The following MANBA variants were observed in gnomAD, a reference collection of about 807,000 sequenced individuals.
MANBA encodes the protein mannosidase beta, also known as beta-mannosidase.
A neutral mutation model predicts 111.1 loss-of-function variants in MANBA; 83 were observed. The observed-to-expected ratio is 0.75, with a 90% CI of 0.63 to 0.90. MANBA has a LOEUF of 0.90. MANBA is among the 40% of genes least tolerant of loss of function. The pLI is 0.00. For synonymous variants in MANBA, 370 were observed against 378.7 expected (o/e 0.98, Z 0.27); for missense variants, 1,036 against 1,069.0 (o/e 0.97, Z 0.43).
At position 102,722,890 on chromosome 4, in the gene MANBA, T is replaced by C. The variant is rs750914797; in HGVS notation, c.530A>G (p.His177Arg). 1.3e-4 allele frequency: 210 copies of C among 1,614,054 alleles called. No homozygotes were observed. In the East Asian group the frequency reaches 4.4e-3, roughly 34 times the overall value. ...CATTACCTTCCGAACAAAGTTGACA[T>C]GGCATTCACCCTTCTGCACAAGTGG... Reference protein sequence around the residue: ...CPPLVQKGECHVNFVRKEQCS... With the variant: ...CPPLVQKGECRVNFVRKEQCS... The change falls in exon 4 of 17, where the codon CAT becomes CGT. Residue 177 changes from histidine to arginine, a missense_variant. By Grantham distance (29) the His-to-Arg change is conservative. Transcript: ENST00000647097.
In MANBA at chr4:102,729,617, C is replaced by T. The variant is rs1209683197; in HGVS notation, c.178-2934G>A. ...CAAATTCATTCTCCACCTCTGTACA[C>T]TTATTGATCTCATCCTCATACTTGT... is the stretch of plus-strand genomic sequence containing the variant. On this transcript the variant is annotated intron_variant, in intron 1 of 16. Transcript: ENST00000647097. The T allele has an allele frequency of 6.4e-5, 63 of 984,208 alleles. 2 individuals carry two copies. Among genetic ancestry groups the T allele is most frequent in the South Asian group, 6.0e-4 (47 of 78,394 alleles). The allele number at this position is 984,208 out of a possible 1,614,324, so 61.0% of individuals were successfully genotyped here.
At chr4:102,670,401 G>A (rs1008985645) in intron 9 of MANBA, among the ~76,000 whole-genome samples, 1 of 152,076 alleles carries the variant, frequency 6.6e-6, no homozygotes, top group African/African-American at 2.4e-5. Flanking sequence ...TATTGTCATC[G>A]TCACAATGAC....
intron 7 of MANBA, among the ~76,000 whole-genome samples, chr4:102,686,614 C>A (rs1458910139): frequency 6.6e-6 from 1 of 152,190 alleles, no homozygotes; most frequent in Non-Finnish European, 1.5e-5. Context: ...GAATCTTTCT[C>A]AATTCTTTTC....
At chr4:102,727,908 A>C in intron 1 of MANBA, 2 of 505,298 alleles carry the variant, frequency 4.0e-6, no homozygotes, top group Admixed American at 5.4e-5. Context: ...TTCACTGCAG[A>C]GAATGGAGGC....
At chr4:102,671,782 T>C in intron 8 of MANBA, 1 of 418,546 alleles carries the variant, frequency 2.4e-6, no homozygotes. Context: ...CTAGCACCCC[T>C]ATCTCCTTTT....
chr4:102,652,810 G>T (rs541924322), intron 12 of MANBA, among the ~76,000 whole-genome samples: 4 of 152,272 alleles, frequency 2.6e-5, no homozygotes, highest in Admixed American at 6.5e-5. Context: ...TGGGATGATT[G>T]CTTGAGCCCA....
At chr4:102,699,819 C>CT (rs1560782105) in intron 5 of MANBA, among the ~76,000 whole-genome samples, 1 of 150,364 alleles carries the variant, frequency 6.7e-6, no homozygotes, top group Admixed American at 6.6e-5. Flanking sequence ...CTAAAATTCT[C>CT]TTTTTTGGTT....
intron 1 of MANBA, among the ~76,000 whole-genome samples, chr4:102,736,699 C>T (rs192547431): frequency 7.9e-5 from 12 of 152,206 alleles, no homozygotes; most frequent in Admixed American, 4.6e-4. Flanking sequence ...TGAGATAAAA[C>T]GGCAGATAGG....
At chr4:102,747,962 A>T (rs1420675940) in intron 1 of MANBA, among the ~76,000 whole-genome samples, 1 of 152,196 alleles carries the variant, frequency 6.6e-6, no homozygotes, top group Non-Finnish European at 1.5e-5. Flanking sequence ...CCAGGACTGG[A>T]CCTCATGAAA....
At chr4:102,644,379 T>C (rs745585459) in intron 13 of MANBA, among the ~76,000 whole-genome samples, 1 of 152,018 alleles carries the variant, frequency 6.6e-6, no homozygotes, top group African/African-American at 2.4e-5. Context: ...AGATATGAAA[T>C]CAACAGATGA....
intron 1 of MANBA, among the ~76,000 whole-genome samples, chr4:102,759,375 AAC>A: frequency 6.6e-6 from 1 of 152,114 alleles, no homozygotes; most frequent in East Asian, 1.9e-4. Flanking sequence ...CTACAAAATA[AAC>A]ACAGGCATTC....
intron 7 of MANBA, among the ~76,000 whole-genome samples, chr4:102,677,957 A>G (rs1458236489): frequency 2.0e-5 from 3 of 152,226 alleles, no homozygotes; most frequent in Non-Finnish European, 4.4e-5. Context: ...TATGGTAAAT[A>G]TCGGTACATA....
chr4:102,661,551 A>G (rs1279472362), intron 11 of MANBA, among the ~76,000 whole-genome samples: 1 of 152,260 alleles, frequency 6.6e-6, no homozygotes, highest in African/African-American at 2.4e-5. Flanking sequence ...GCTTTGAAGA[A>G]CATTGAAGAA....
At chr4:102,735,059 T>C (rs1723163006) in intron 1 of MANBA, among the ~76,000 whole-genome samples, 1 of 152,198 alleles carries the variant, frequency 6.6e-6, no homozygotes, top group African/African-American at 2.4e-5. Context: ...TTTTTGCTGC[T>C]GTGTAGACAG....
intron 5 of MANBA, among the ~76,000 whole-genome samples, chr4:102,710,235 T>G (rs1421588496): frequency 6.6e-6 from 1 of 152,160 alleles, no homozygotes. Flanking sequence ...TCTTTGCAGA[T>G]GACATGCTCT....
intron 7 of MANBA, among the ~76,000 whole-genome samples, 173 bp downstream of exon 7, chr4:102,689,401 T>A (rs139112586): frequency 6.0e-5 from 9 of 150,170 alleles, no homozygotes; most frequent in Non-Finnish European, 1.2e-4. Flanking sequence ...TATATATGTA[T>A]GTATATATAC....
intron 5 of MANBA, among the ~76,000 whole-genome samples, chr4:102,704,691 C>T (rs1261277350): frequency 6.6e-6 from 1 of 151,626 alleles, no homozygotes; most frequent in East Asian, 1.9e-4. Context: ...AATGTTTAAA[C>T]GTCTATTGAT....
At chr4:102,755,870 A>T (rs1043095312) in intron 1 of MANBA, among the ~76,000 whole-genome samples, 1 of 152,230 alleles carries the variant, frequency 6.6e-6, no homozygotes, top group African/African-American at 2.4e-5. Flanking sequence ...GACACATGAA[A>T]AAATGCTCAT....
At chr4:102,688,362 C>A (rs1732315307) in intron 7 of MANBA, among the ~76,000 whole-genome samples, 1 of 144,062 alleles carries the variant, frequency 6.9e-6, no homozygotes, top group South Asian at 2.3e-4. Flanking sequence ...CATACACACT[C>A]TTTCTCTCTC....
Sources: allele counts gnomAD v4.1 joint callset (sites outside exome capture counted in the v4.1 genomes callset), GRCh38; gene constraint gnomAD v4.1.1; transcripts MANE v1.5; gene names NCBI Gene and HGNC (gene_info 2026-07-23, HGNC 2026-07-21).